Variants in NOX4 observed in about 807,000 individuals in gnomAD.
The protein encoded by NOX4 is kidney oxidase-1.
A neutral mutation model predicts 87.6 loss-of-function variants in NOX4; 69 were observed. The ratio of observed to expected loss-of-function variants is 0.79; its 90% confidence interval spans 0.65 to 0.96. The LOEUF (loss-of-function observed/expected upper bound fraction) is 0.96. Ranked by LOEUF, NOX4 falls within the 40% of genes least tolerant of loss-of-function variation. The pLI is 0.00. For synonymous variants in NOX4, 275 were observed against 238.2 expected (o/e 1.15, Z -1.42); for missense variants, 680 against 681.5 (o/e 1.00, Z 0.02).
At chr11:89,462,598 GGAAAA>G (rs1398165879) in intron 2 of NOX4, among the ~76,000 whole-genome samples, 9 of 151,888 alleles carry the variant, frequency 5.9e-5, no homozygotes, top group African/African-American at 1.4e-4. Flanking sequence ...CAGATTAATG[GGAAAA>G]GAAGAGTCTA....
the NOX4 span, among the ~76,000 whole-genome samples, chr11:89,576,512 T>C: frequency 1.3e-5 from 2 of 152,188 alleles, no homozygotes; most frequent in Admixed American, 6.5e-5. Flanking sequence ...TTGAGAAATG[T>C]TATTTAAATC....
chr11:89,491,282 C>G lies in NOX4; in HGVS notation c.-36G>C. The G allele has an allele frequency of 6.3e-7, 1 of 1,598,846 alleles. No homozygotes were observed. Among genetic ancestry groups the G allele is most frequent in the South Asian group, 1.1e-5 (1 of 89,714 alleles). Reference sequence around the variant, plus strand: ...CCGCCGCGCTGCGCTCTGTGCCCGCCGGACCGAGAAGGAGCGGGCGGCGGC... The same window carrying G: ...CCGCCGCGCTGCGCTCTGTGCCCGCGGGACCGAGAAGGAGCGGGCGGCGGC... On this transcript the variant is annotated 5_prime_UTR_variant, in exon 1 of 18. Transcript: ENST00000263317.
At chr11:89,408,597 CAG>C (rs1332053812) in intron 8 of NOX4, among the ~76,000 whole-genome samples, 1 of 152,130 alleles carries the variant, frequency 6.6e-6, no homozygotes, top group African/African-American at 2.4e-5. Context: ...TCTGGCCTAA[CAG>C]AGTTCTTGCC....
chr11:89,328,034 C>T (rs1945290512), intron 17 of NOX4, among the ~76,000 whole-genome samples: 1 of 152,154 alleles, frequency 6.6e-6, no homozygotes, highest in Admixed American at 6.6e-5. Flanking sequence ...AATCTGCTGG[C>T]TGCAGCAGAC....
chr11:89,369,300 G>C (rs986787174), intron 12 of NOX4, among the ~76,000 whole-genome samples: 2 of 152,140 alleles, frequency 1.3e-5, no homozygotes, highest in East Asian at 3.9e-4. Flanking sequence ...GGGCTGGGAG[G>C]ACATAGGGTA....
chr11:89,548,046 G>T, the NOX4 span: 68 of 151,934 alleles, frequency 4.5e-4, no homozygotes, highest in African/African-American at 1.5e-3. Context: ...AATTTTAGGA[G>T]ATACTAGATG....
the NOX4 span, among the ~76,000 whole-genome samples, chr11:89,573,185 A>G: frequency 1.3e-5 from 2 of 152,166 alleles, no homozygotes; most frequent in Non-Finnish European, 1.5e-5. Flanking sequence ...TGCAGTCGGT[A>G]TTCATTTAAA....
At chr11:89,438,281 A>G (rs748964208) in intron 6 of NOX4, among the ~76,000 whole-genome samples, 1 of 134,662 alleles carries the variant, frequency 7.4e-6, no homozygotes, top group Non-Finnish European at 1.5e-5. Flanking sequence ...AATAATATAT[A>G]TACTACATAT....
At chr11:89,373,286 A>C (rs1325198021) in intron 12 of NOX4, 146 bp downstream of exon 12, 16 of 478,712 alleles carry the variant, frequency 3.3e-5, no homozygotes, top group Non-Finnish European at 5.6e-5. Flanking sequence ...GCAAAAAAAA[A>C]AAAAAAAAAA....
At chr11:89,524,518 C>A in the NOX4 span, among the ~76,000 whole-genome samples, 1 of 151,978 alleles carries the variant, frequency 6.6e-6, no homozygotes. Context: ...CCATATCAGA[C>A]CATTGATTCA....
chr11:89,326,879 A>G lies in NOX4; in HGVS notation c.1617-3T>C. The G allele has an allele frequency of 1.2e-6, 2 of 1,612,878 alleles. No homozygotes were observed. Among genetic ancestry groups the G allele is most frequent in the South Asian group, 1.1e-5 (1 of 90,904 alleles). On this transcript the variant is annotated splice_polypyrimidine_tract_variant and splice_region_variant and intron_variant, in intron 17 of 17. Transcript: ENST00000263317. ...AACAGAAAACACCAACTGTTTTTCT[A>G]GAACAAGAGCAGAGAAAATGGAAAA... is the stretch of plus-strand genomic sequence containing the variant.
intron 11 of NOX4, among the ~76,000 whole-genome samples, chr11:89,391,329 G>A (rs1381691129): frequency 1.3e-5 from 2 of 152,144 alleles, no homozygotes; most frequent in East Asian, 1.9e-4. Context: ...TGTGAAGGAT[G>A]AGTAAGAGTT....
In NOX4 at chr11:89,444,256, G is replaced by C. The variant is rs1225992570; in HGVS notation, c.350-24C>G. On this transcript the variant is annotated intron_variant, in intron 4 of 17. Transcript: ENST00000263317. ...GCCTACAGAATTACACCAGGGGTAAGTTAGTGGGATTTGCATATATGCTCT... is the reference window on the plus strand; with the variant it reads ...GCCTACAGAATTACACCAGGGGTAACTTAGTGGGATTTGCATATATGCTCT... The C allele has an allele frequency of 3.1e-6, 5 of 1,596,038 alleles. No homozygotes were observed. The Admixed American group carries it at 8.3e-5, about 27-fold the overall frequency.
intron 11 of NOX4, among the ~76,000 whole-genome samples, chr11:89,388,784 C>T (rs749717252): frequency 1.5e-4 from 23 of 152,016 alleles, no homozygotes; most frequent in Admixed American, 5.9e-4. Context: ...AAGAACGAGG[C>T]AAAAAATCTT....
chr11:89,577,615 G>A, the NOX4 span: 1 of 152,164 alleles, frequency 6.6e-6, no homozygotes, highest in Non-Finnish European at 1.5e-5. Context: ...TATATAGCTA[G>A]TTAATCACTG....
chr11:89,444,268 T>C (rs1287363294), intron 4 of NOX4, 36 bp from the exon 5 acceptor site: 1 of 1,547,346 alleles, frequency 6.5e-7, no homozygotes, highest in Non-Finnish European at 8.9e-7. Context: ...TAGTGGGATT[T>C]GCATATATGC....
chr11:89,491,727 T>TACACACAC (rs66820323), upstream of NOX4, among the ~76,000 whole-genome samples: 127 of 140,742 alleles, frequency 9.0e-4, no homozygotes, highest in African/African-American at 3.0e-3. Context: ...CGCCCCCTTG[T>TACACACAC]ACACACACAC....
intron 11 of NOX4, among the ~76,000 whole-genome samples, chr11:89,378,134 A>G (rs1591063184): frequency 6.6e-6 from 1 of 152,296 alleles, no homozygotes; most frequent in Non-Finnish European, 1.5e-5. Flanking sequence ...TCACCCTGTG[A>G]AAAACCACCC....
At position 89,478,760 on chromosome 11, in the gene NOX4, T is replaced by C. The variant is rs145734042; in HGVS notation, c.153+11698A>G. ...ACCCTGTAGATCCATTCTCAGCCCA[T>C]AAACTAAACTCTTCCAAGATTTACG... On this transcript the variant is annotated intron_variant, in intron 2 of 17. Coordinates refer to ENST00000263317, the MANE Select transcript of NOX4 (RefSeq NM_016931.5). Among the ~76,000 whole-genome samples the C allele has an allele frequency of 2.5e-3, 388 of 152,302 alleles. 1 individual carries two copies. The highest frequency in any genetic ancestry group is 3.5e-3 in the Non-Finnish European group (238 of 68,020).
Sources: allele counts gnomAD v4.1 joint callset (sites outside exome capture counted in the v4.1 genomes callset), GRCh38; gene constraint gnomAD v4.1.1; transcripts MANE v1.5; gene names NCBI Gene and HGNC (gene_info 2026-07-23, HGNC 2026-07-21).